The following ZSCAN30 variants were observed in gnomAD, a reference collection of about 807,000 sequenced individuals.
ZSCAN30 encodes zinc finger and SCAN domain-containing protein 30.
Under a neutral mutation model 44.3 loss-of-function variants are expected in ZSCAN30, and 37 were observed. The ratio of observed to expected loss-of-function variants is 0.84; its 90% confidence interval spans 0.64 to 1.10. ZSCAN30 has a LOEUF of 1.10. ZSCAN30 is among the 50% of genes least tolerant of loss of function. ZSCAN30 has a pLI of 0.00. For synonymous variants in ZSCAN30, 181 were observed against 204.6 expected (o/e 0.88, Z 0.98); for missense variants, 549 against 582.6 (o/e 0.94, Z 0.59).
At chr18:35,264,611 G>A (rs911784627) in intron 1 of ZSCAN30, among the ~76,000 whole-genome samples, 156 bp from the exon 2 acceptor site, 3 of 152,086 alleles carry the variant, frequency 2.0e-5, no homozygotes, top group African/African-American at 7.2e-5. Context: ...AGATGACTCA[G>A]GATTTTTTTA....
chr18:35,255,313 T>C (rs1471236399), intron 3 of ZSCAN30, among the ~76,000 whole-genome samples: 1 of 151,698 alleles, frequency 6.6e-6, no homozygotes, highest in Non-Finnish European at 1.5e-5. Context: ...CTACTAGTTA[T>C]ATCTAGAGAT....
chr18:35,254,177 T>C lies in ZSCAN30; in HGVS notation c.758A>G (p.Gln253Arg), dbSNP rs773277937. ...GGTTGCCAGACTGAAATGTCTGTCCTGGGAAGGAAGCTGACTGATTTTGTT... is the reference window on the plus strand; with the variant it reads ...GGTTGCCAGACTGAAATGTCTGTCCCGGGAAGGAAGCTGACTGATTTTGTT... ...AGNKISQLPSQDRHFSLATFN... is the reference protein window; with the variant it reads ...AGNKISQLPSRDRHFSLATFN... The change falls in exon 4 of 4, where the codon CAG (glutamine) becomes CGG (arginine). Residue 253 changes from glutamine (Q) to arginine (R), a missense_variant. Coordinates refer to ENST00000333206, the MANE Select transcript of ZSCAN30 (RefSeq NM_001112734.4). 6.2e-7 allele frequency: 1 copy of C among 1,614,230 alleles called. No individual in the cohort carries two copies. The highest frequency in any genetic ancestry group is 2.2e-5 in the East Asian group (1 of 44,888).
chr18:35,282,289 A>C (rs935021002), intron 1 of ZSCAN30: 3 of 152,180 alleles, frequency 2.0e-5, no homozygotes, highest in African/African-American at 7.2e-5. Context: ...CAAAAAGACT[A>C]TTTTCCTCTT....
At chr18:35,278,812 T>C (rs1474218671) in intron 1 of ZSCAN30, among the ~76,000 whole-genome samples, 2 of 152,210 alleles carry the variant, frequency 1.3e-5, no homozygotes, top group African/African-American at 2.4e-5. Flanking sequence ...TTCCACCCAA[T>C]AGCACAGCAT....
intron 1 of ZSCAN30, among the ~76,000 whole-genome samples, chr18:35,265,974 AG>A (rs2044141285): frequency 6.6e-6 from 1 of 152,302 alleles, no homozygotes; most frequent in Middle Eastern, 3.4e-3. Flanking sequence ...ATGGAGAGGA[AG>A]GTCACCCAGG....
intron 1 of ZSCAN30, among the ~76,000 whole-genome samples, chr18:35,273,394 A>G (rs1294853922): frequency 1.3e-5 from 2 of 152,216 alleles, no homozygotes; most frequent in African/African-American, 4.8e-5. Context: ...TTTAGGGCTG[A>G]ATAATATTCT....
chr18:35,259,748 TA>T (rs1415649947), intron 3 of ZSCAN30: 1 of 154,200 alleles, frequency 6.5e-6, no homozygotes, highest in Non-Finnish European at 1.5e-5. Context: ...AAGAAACACT[TA>T]CCACAGTCTC....
At chr18:35,255,476 GAGTT>G (rs1450095973) in intron 3 of ZSCAN30, among the ~76,000 whole-genome samples, 2 of 151,984 alleles carry the variant, frequency 1.3e-5, no homozygotes, top group East Asian at 3.9e-4. Flanking sequence ...TAATTGCTAA[GAGTT>G]AGGATTCAAA....
At chr18:35,257,894 C>G in intron 3 of ZSCAN30, 2 of 781,046 alleles carry the variant, frequency 2.6e-6, no homozygotes, top group Non-Finnish European at 4.8e-6. Flanking sequence ...TGCTCTTTTC[C>G]CTTCCTAATC....
intron 1 of ZSCAN30, chr18:35,269,726 G>C (rs1598636155): frequency 6.6e-6 from 1 of 151,946 alleles, no homozygotes; most frequent in Non-Finnish European, 1.5e-5. Flanking sequence ...CATGGGATTA[G>C]TGGTTCCATA....
intron 2 of ZSCAN30, 77 bp from the exon 3 acceptor site, chr18:35,263,734 C>G (rs1357658525): frequency 1.3e-6 from 2 of 1,541,034 alleles, no homozygotes; most frequent in African/African-American, 2.8e-5. Flanking sequence ...AGGGCAGGAA[C>G]AGAAGAATCA....
Position 35,264,002 on chromosome 18 carries a change from C to T in ZSCAN30, c.351G>A (p.Glu117=), listed in dbSNP as rs1402501220. The T allele has an allele frequency of 1.2e-6, 2 of 1,614,250 alleles. No individual in the cohort carries two copies. The highest frequency in any genetic ancestry group is 2.2e-5 in the South Asian group (2 of 91,090). ...WLREHRPENG[E]EAVTMLEELE... is the part of the protein sequence containing the mutation. ...GCTCCTCCAGCATAGTCACAGCTTCCTCTCCATTCTCTGGCCGATGCTCTC... is the reference window on the plus strand; with the variant it reads ...GCTCCTCCAGCATAGTCACAGCTTCTTCTCCATTCTCTGGCCGATGCTCTC... Residue 117 remains glutamate (E), a synonymous_variant, in exon 2 of 4, where the codon GAG becomes GAA. Transcript: ENST00000333206.
intron 1 of ZSCAN30, among the ~76,000 whole-genome samples, chr18:35,273,788 C>T (rs916762479): frequency 6.6e-6 from 1 of 152,196 alleles, no homozygotes; most frequent in African/African-American, 2.4e-5. Flanking sequence ...TCTAATAAGT[C>T]ATTCTAAAAA....
chr18:35,262,589 T>A (rs777276507), intron 3 of ZSCAN30: 7 of 152,256 alleles, frequency 4.6e-5, no homozygotes, highest in African/African-American at 9.7e-5. Flanking sequence ...CTGTAGCACA[T>A]GGGACACCCA....
intron 1 of ZSCAN30, among the ~76,000 whole-genome samples, chr18:35,285,496 G>A (rs1050220284): frequency 2.0e-5 from 3 of 151,900 alleles, no homozygotes; most frequent in Admixed American, 1.3e-4. Context: ...CCATGTTTTG[G>A]GCCATTAATG....
chr18:35,262,902 T>G (rs1046914235), intron 3 of ZSCAN30: 2 of 161,066 alleles, frequency 1.2e-5, no homozygotes, highest in African/African-American at 4.8e-5. Context: ...CTGTTATTGC[T>G]GTATTCTTTT....
At chr18:35,269,853 A>G (rs1410708639) in intron 1 of ZSCAN30, 1 of 152,180 alleles carries the variant, frequency 6.6e-6, no homozygotes, top group African/African-American at 2.4e-5. Context: ...AAAAAAAAAA[A>G]AAAAGACTGT....
chr18:35,255,476 G>A (rs2143658507), intron 3 of ZSCAN30, among the ~76,000 whole-genome samples: 1 of 152,102 alleles, frequency 6.6e-6, no homozygotes, highest in South Asian at 2.1e-4. Flanking sequence ...TAATTGCTAA[G>A]AGTTAGGATT....
chr18:35,263,571 C>T lies in ZSCAN30; in HGVS notation c.495G>A (p.Gln165=). The T allele has an allele frequency of 6.2e-7, 1 of 1,614,194 alleles. No homozygotes were observed. The highest frequency in any genetic ancestry group is 8.5e-7 in the Non-Finnish European group (1 of 1,180,038). Residue 165 remains glutamine, a synonymous_variant, in exon 3 of 4, where the codon CAG becomes CAA. Coordinates refer to ENST00000333206, the MANE Select transcript of ZSCAN30 (RefSeq NM_001112734.4). ...LKSLSLNSPV[Q]PLENQCKTET... ...CAGTCTTGCACTGGTTCTCTAAGGG[C>T]TGCACCGGGCTATTCAGAGACAGAG...
Sources: allele counts gnomAD v4.1 joint callset (sites outside exome capture counted in the v4.1 genomes callset), GRCh38; gene constraint gnomAD v4.1.1; transcripts MANE v1.5; gene names NCBI Gene and HGNC (gene_info 2026-07-23, HGNC 2026-07-21).